SYNPR: variants seen among roughly 807,000 people sequenced by gnomAD.
The protein encoded by SYNPR is synaptoporin.
Under a neutral mutation model 32.9 loss-of-function variants are expected in SYNPR, and 23 were observed. The ratio of observed to expected loss-of-function variants is 0.70; its 90% CI spans 0.50 to 0.99. The LOEUF (loss-of-function observed/expected upper bound fraction) is 0.99. Ranked by LOEUF, SYNPR falls within the 50% of genes least tolerant of loss-of-function variation. SYNPR has a pLI of 0.00. For synonymous variants in SYNPR, 146 were observed against 135.9 expected, an observed-to-expected ratio of 1.07 and a Z score of -0.52; for missense variants, 318 against 349.3, an observed-to-expected ratio of 0.91 and a Z score of 0.71.
intron 3 of SYNPR, among the ~76,000 whole-genome samples, chr3:63,517,399 C>T (rs552903854): frequency 6.6e-6 from 1 of 152,134 alleles, no homozygotes; most frequent in East Asian, 1.9e-4. Context: ...GGAAAATATA[C>T]TTTAAGAAGT....
Position 63,452,504 on chromosome 3 carries a change from T to C in SYNPR, c.85-28328T>C, listed in dbSNP as rs149507305. Among the ~76,000 whole-genome samples the C allele has an allele frequency of 5.6e-3, 845 of 152,208 alleles. 3 individuals are homozygous for C. The highest frequency in any genetic ancestry group is 0.019 in the African/African-American group (800 of 41,524). On this transcript the variant is annotated intron_variant, in intron 2 of 5. Transcript: ENST00000478300. ...GAAGGGCATAGACTCCATTAGTAAA[T>C]TTGTGAATATTGGAATGAGGATGAT...
chr3:63,547,785 A>T (rs1191578778), intron 3 of SYNPR, among the ~76,000 whole-genome samples: 1 of 152,182 alleles, frequency 6.6e-6, no homozygotes, highest in East Asian at 1.9e-4. Context: ...TTGGGGTCAT[A>T]CGGACTCCAT....
chr3:63,205,403 A>C, the SYNPR span, among the ~76,000 whole-genome samples: 3 of 152,218 alleles, frequency 2.0e-5, no homozygotes, highest in Admixed American at 2.0e-4. Flanking sequence ...TGTAACACCA[A>C]TTCTACCTTT....
At chr3:63,481,291 G>T (rs929489508) in intron 3 of SYNPR, among the ~76,000 whole-genome samples, 3 of 152,186 alleles carry the variant, frequency 2.0e-5, no homozygotes, top group African/African-American at 7.2e-5. Context: ...TTTTAGCACT[G>T]TGCCTTTCTA....
At chr3:63,511,418 T>C (rs1701697881) in intron 3 of SYNPR, among the ~76,000 whole-genome samples, 1 of 152,164 alleles carries the variant, frequency 6.6e-6, no homozygotes, top group African/African-American at 2.4e-5. Context: ...TTTAATACAG[T>C]TGGAGTCGAG....
chr3:63,436,261 C>G (rs969914905), intron 2 of SYNPR, among the ~76,000 whole-genome samples: 2 of 151,432 alleles, frequency 1.3e-5, no homozygotes, highest in African/African-American at 4.9e-5. Flanking sequence ...ATGCATGTGC[C>G]AGGTTGGTGT....
At chr3:63,596,483 T>G (rs1009929445) in intron 4 of SYNPR, among the ~76,000 whole-genome samples, 2 of 151,940 alleles carry the variant, frequency 1.3e-5, no homozygotes, top group African/African-American at 4.8e-5. Context: ...CAAGCCAGCC[T>G]TTCCCCCAAC....
intron 3 of SYNPR, among the ~76,000 whole-genome samples, chr3:63,549,057 A>T (rs1702458753): frequency 2.0e-5 from 3 of 152,208 alleles, no homozygotes; most frequent in Admixed American, 2.0e-4. Context: ...TCACAATTTC[A>T]CAACATGGCA....
At chr3:63,223,779 C>T (rs905641462), upstream of SYNPR, among the ~76,000 whole-genome samples, 5 of 152,216 alleles carry the variant, frequency 3.3e-5, no homozygotes, top group Admixed American at 2.0e-4. Flanking sequence ...CTCACTATGT[C>T]ATTTAACTTT....
chr3:63,615,816 T>A lies in SYNPR; in HGVS notation c.*335T>A. Reference sequence around the variant, plus strand: ...TAGTATGTAATATGCATAAAGTAAATCAAATAGCGTTGAGTTTTCTTATGC... The same window carrying A: ...TAGTATGTAATATGCATAAAGTAAAACAAATAGCGTTGAGTTTTCTTATGC... On this transcript the variant is annotated 3_prime_UTR_variant, in exon 6 of 6. Coordinates refer to ENST00000478300, the MANE Select transcript of SYNPR (RefSeq NM_001130003.2). 1 of 185,798 alleles carries A rather than the reference T, an allele frequency of 5.4e-6. No homozygotes were observed. 11.5% of individuals were successfully genotyped at this position (185,798 alleles called of 1,614,324 possible).
chr3:63,552,800 T>G lies in SYNPR; in HGVS notation c.210-3743T>G, dbSNP rs143385173. 2.5e-3 allele frequency among the ~76,000 whole-genome samples: 386 copies of G among 152,308 alleles called. 3 individuals carry two copies. Among genetic ancestry groups the G allele is most frequent in the African/African-American group, 9.0e-3 (375 of 41,560 alleles). On this transcript the variant is annotated intron_variant, in intron 3 of 5. Transcript: ENST00000478300. ...CAGGCTCTGGAGTTTGATGCAGATT[T>G]AAACCCCTGGACTGACATTTACTAT...
chr3:63,521,819 G>A (rs2106773618), intron 3 of SYNPR, among the ~76,000 whole-genome samples: 1 of 152,316 alleles, frequency 6.6e-6, no homozygotes, highest in Middle Eastern at 3.4e-3. Context: ...CTCTGCAAAT[G>A]TGTGGGCAGG....
intron 2 of SYNPR, among the ~76,000 whole-genome samples, chr3:63,260,274 G>C (rs2086426069): frequency 6.6e-6 from 1 of 152,104 alleles, no homozygotes. Flanking sequence ...TCAATCCTAA[G>C]CCAAAAGAAC....
rs192068854 is a variant in SYNPR at position 63,532,595 on chromosome 3, G to A, written c.210-23948G>A. 2.2e-4 allele frequency among the ~76,000 whole-genome samples: 34 copies of A among 152,318 alleles called. No individual in the cohort carries two copies. The East Asian group carries it at 5.2e-3, about 23-fold the overall frequency. ...CTGTCCTTGCTGTTGTCTCCTTTTA[G>A]AGAAAATAAGCCCAAGCAGCTTGTT... On this transcript the variant is annotated intron_variant, in intron 3 of 5. Transcript: ENST00000478300.
chr3:63,357,127 A>C (rs971030005), intron 2 of SYNPR, among the ~76,000 whole-genome samples: 1 of 152,126 alleles, frequency 6.6e-6, no homozygotes, highest in Non-Finnish European at 1.5e-5. Context: ...ACATACCTGG[A>C]ATTGGAGTTG....
intron 2 of SYNPR, among the ~76,000 whole-genome samples, chr3:63,253,265 G>C (rs2086351893): frequency 6.6e-6 from 1 of 151,820 alleles, no homozygotes; most frequent in Non-Finnish European, 1.5e-5. Context: ...ACTCAATTTG[G>C]ATAATAAATT....
chr3:63,424,207 T>G (rs749347278), intron 2 of SYNPR, among the ~76,000 whole-genome samples: 2 of 152,226 alleles, frequency 1.3e-5, no homozygotes, highest in Non-Finnish European at 2.9e-5. Context: ...GCAAGGTATA[T>G]GGAAACTCTC....
chr3:63,384,104 A>C (rs1000702082), intron 2 of SYNPR, among the ~76,000 whole-genome samples: 2 of 152,252 alleles, frequency 1.3e-5, no homozygotes, highest in Admixed American at 6.5e-5. Context: ...AGGGCAGCCA[A>C]TGCTGGATCT....
chr3:63,224,723 A>T (rs572118055), upstream of SYNPR, among the ~76,000 whole-genome samples: 3 of 152,316 alleles, frequency 2.0e-5, no homozygotes, highest in African/African-American at 4.8e-5. Context: ...GCTGGGAAGA[A>T]GCTGGAGAAA....
Sources: allele counts gnomAD v4.1 joint callset (sites outside exome capture counted in the v4.1 genomes callset), GRCh38; gene constraint gnomAD v4.1.1; transcripts MANE v1.5; gene names NCBI Gene and HGNC (gene_info 2026-07-23, HGNC 2026-07-21).